BRF1: variants seen among roughly 807,000 people sequenced by gnomAD.
BRF1 encodes transcription factor IIIB 90 kDa subunit.
Under a neutral mutation model 81.7 loss-of-function variants are expected in BRF1, and 59 were observed. That is an observed-to-expected ratio of 0.72 (90% CI 0.59 to 0.90). BRF1 has a LOEUF of 0.90. Ranked by LOEUF, BRF1 falls within the 40% of genes least tolerant of loss-of-function variation. The pLI is 0.00. For missense variants in BRF1, 1,050 were observed against 936.3 expected (o/e 1.12, Z -1.58); for synonymous variants, 491 against 395.6 (o/e 1.24, Z -2.86).
intron 4 of BRF1, among the ~76,000 whole-genome samples, chr14:105,254,369 G>C (rs917125422): frequency 6.6e-6 from 1 of 152,070 alleles, no homozygotes; most frequent in African/African-American, 2.4e-5. Context: ...TCATTCTCCT[G>C]CCTCAGCCTC....
At chr14:105,248,638 C>T (rs1595378518) in intron 5 of BRF1, 5 of 979,132 alleles carry the variant, frequency 5.1e-6, no homozygotes, top group Non-Finnish European at 6.0e-6. Context: ...AGGCTGGGCT[C>T]GGGCAGGGTC....
intron 6 of BRF1, among the ~76,000 whole-genome samples, chr14:105,229,640 G>A (rs1418819228): frequency 6.0e-5 from 9 of 151,060 alleles, no homozygotes; most frequent in Admixed American, 2.0e-4. Flanking sequence ...GCCCAGCTGG[G>A]GGCGGGGGAC....
chr14:105,250,763 A>G (rs1259914114), intron 5 of BRF1: 1 of 1,329,032 alleles, frequency 7.5e-7, no homozygotes, highest in African/African-American at 1.5e-5. Flanking sequence ...GGCTGCTCTT[A>G]ACTTTGTCTC....
chr14:105,261,411 A>C (rs2056145355), intron 3 of BRF1, among the ~76,000 whole-genome samples: 2 of 152,086 alleles, frequency 1.3e-5, no homozygotes, highest in African/African-American at 4.8e-5. Context: ...CCAGGAACCA[A>C]CCAGGCTTCC....
At position 105,258,134 on chromosome 14, in the gene BRF1, G is replaced by A. The variant is rs587694731; in HGVS notation, c.440-1585C>T. Among the ~76,000 whole-genome samples the A allele has an allele frequency of 1.8e-3, 278 of 152,342 alleles. 1 individual carries two copies. Among genetic ancestry groups the A allele is most frequent in the Non-Finnish European group, 2.9e-3 (195 of 68,038 alleles). On this transcript the variant is annotated intron_variant, in intron 3 of 17. Transcript: ENST00000547530. ...ATAGGGAAATTGGGGATTGAAGGGGGTGTATGGGAACTCTGTACTTTCTAC... is the reference window on the plus strand; with the variant it reads ...ATAGGGAAATTGGGGATTGAAGGGGATGTATGGGAACTCTGTACTTTCTAC...
intron 1 of BRF1, among the ~76,000 whole-genome samples, chr14:105,312,239 C>T (rs988637974): frequency 6.6e-6 from 1 of 152,206 alleles, no homozygotes; most frequent in Non-Finnish European, 1.5e-5. Flanking sequence ...AGGCCTCGGC[C>T]CATCCTGTCC....
At chr14:105,241,239 C>T (rs374470484) in intron 6 of BRF1, 26 bp downstream of exon 6, 48 of 1,606,766 alleles carry the variant, frequency 3.0e-5, no homozygotes, top group African/African-American at 5.3e-5. Flanking sequence ...GACCAGCATC[C>T]CCCAGGCAGG....
intron 15 of BRF1, 93 bp downstream of exon 15, chr14:105,217,451 G>A (rs892700482): frequency 7.8e-6 from 12 of 1,546,698 alleles, no homozygotes; most frequent in South Asian, 3.7e-5. Context: ...CTGTGGCCCC[G>A]GCTGGCCCCC....
chr14:105,282,574 A>G (rs1464693091), intron 2 of BRF1, among the ~76,000 whole-genome samples: 1 of 152,198 alleles, frequency 6.6e-6, no homozygotes, highest in East Asian at 1.9e-4. Context: ...AAGGAGAATA[A>G]ACAAAATTTA....
chr14:105,219,916 G>A, intron 12 of BRF1, 153 bp downstream of exon 12: 1 of 804,976 alleles, frequency 1.2e-6, no homozygotes, highest in Non-Finnish European at 2.0e-6. Flanking sequence ...GGGGGTCCCG[G>A]GAACAGTGGC....
At chr14:105,249,874 G>A (rs369992852) in intron 5 of BRF1, 21 of 1,612,128 alleles carry the variant, frequency 1.3e-5, no homozygotes, top group Non-Finnish European at 1.8e-5. Context: ...TGGCCCTACG[G>A]TCCGAAGGCT....
intron 7 of BRF1, among the ~76,000 whole-genome samples, 185 bp downstream of exon 7, chr14:105,228,634 AG>A (rs1375654193): frequency 2.6e-5 from 4 of 151,576 alleles, no homozygotes; most frequent in African/African-American, 4.9e-5. Context: ...AACTCTCTGG[AG>A]GGAGGCGAGG....
intron 2 of BRF1, among the ~76,000 whole-genome samples, chr14:105,283,297 G>A (rs889551491): frequency 2.0e-5 from 3 of 152,188 alleles, no homozygotes; most frequent in African/African-American, 4.8e-5. Context: ...TGCCTGGCCC[G>A]GGGCAGGCGG....
chr14:105,229,129 T>C (rs587744692), intron 6 of BRF1, among the ~76,000 whole-genome samples: 12 of 152,332 alleles, frequency 7.9e-5, no homozygotes, highest in African/African-American at 2.9e-4. Flanking sequence ...CATTCCATTT[T>C]CAAATCAAGG....
chr14:105,225,925 C>G (rs587673755), intron 10 of BRF1, 144 bp downstream of exon 10: 8 of 814,970 alleles, frequency 9.8e-6, no homozygotes, highest in Non-Finnish European at 1.5e-5. Context: ...GGATTACAGG[C>G]GTGAGCCACC....
intron 8 of BRF1, 45 bp from the exon 9 acceptor site, chr14:105,226,335 T>G: frequency 6.2e-7 from 1 of 1,613,200 alleles, no homozygotes. Context: ...GAGGCCCTGG[T>G]GCACAGCGCA....
Position 105,309,071 on chromosome 14 carries a change from C to T in BRF1, c.-162+6251G>A, listed in dbSNP as rs187717256. ...CACTGAGGTTGAGTGTTGGTTGACA[C>T]GTGTTGCGGTAATTGCTGTTCTGAT... On this transcript the variant is annotated intron_variant, in intron 1 of 17. Coordinates refer to the BRF1 transcript ENST00000327359. The surrounding 1 kb of genome is among the most constrained non-coding windows in gnomAD (Gnocchi z 4.0). 1.1e-4 allele frequency among the ~76,000 whole-genome samples: 17 copies of T among 152,292 alleles called. No homozygotes were observed. The East Asian group carries it at 2.5e-3, about 22-fold the overall frequency.
At chr14:105,275,459 T>C (rs866841722) in intron 2 of BRF1, among the ~76,000 whole-genome samples, 2 of 152,250 alleles carry the variant, frequency 1.3e-5, no homozygotes, top group African/African-American at 2.4e-5. Context: ...AGCTGCCACC[T>C]GCACATGTGC....
Position 105,300,735 on chromosome 14 carries a change from GC to G in BRF1, c.-107del. The G allele has an allele frequency of 1.1e-6, 1 of 919,036 alleles. No homozygotes were observed. The highest frequency in any genetic ancestry group is 1.4e-6 in the Non-Finnish European group (1 of 713,802). 56.9% of individuals were successfully genotyped at this position (919,036 alleles called of 1,614,324 possible). A position where few individuals can be genotyped will look rare whatever the true frequency, so the allele number is the denominator to read the frequency against. ...GCCCAGGCCCAGCCGCCCAGGCCTCGCCGCTCTCGCGAGGCCCCGCTCCAGC... is the reference window on the plus strand; with the variant it reads ...GCCCAGGCCCAGCCGCCCAGGCCTCGCGCTCTCGCGAGGCCCCGCTCCAGC... On this transcript the variant is annotated 5_prime_UTR_variant, in exon 1 of 18. Coordinates refer to ENST00000547530, the MANE Select transcript of BRF1 (RefSeq NM_001519.4).
Sources: allele counts gnomAD v4.1 joint callset (sites outside exome capture counted in the v4.1 genomes callset), GRCh38; gene constraint gnomAD v4.1.1; non-coding constraint Gnocchi (gnomAD v3.1); transcripts MANE v1.5; gene names NCBI Gene and HGNC (gene_info 2026-07-23, HGNC 2026-07-21).